FRMPD4: variants seen among roughly 807,000 people sequenced by gnomAD.
FRMPD4 encodes FERM and PDZ domain containing 4.
In FRMPD4, 22 loss-of-function variants were observed where a neutral mutation model predicts 94.1. The observed-to-expected ratio is 0.23, with a 90% CI of 0.17 to 0.33. The LOEUF is 0.33. Ranked by LOEUF, FRMPD4 falls within the 10% of genes least tolerant of loss-of-function variation. The probability of loss-of-function intolerance (pLI) is 1.00; values close to 1 mark genes in which losing one functional copy is unlikely to be tolerated. For missense variants in FRMPD4, 1,111 were observed against 1,339.9 expected, an observed-to-expected ratio of 0.83 and a Z score of 2.67; for synonymous variants, 631 against 548.6, an observed-to-expected ratio of 1.15 and a Z score of -2.10.
At chrX:12,380,769 A>G (rs138722253) in intron 1 of FRMPD4, among the ~76,000 whole-genome samples, 351 of 112,218 alleles carry the variant, frequency 3.1e-3, no homozygotes, top group African/African-American at 0.011. Context: ...GTGATATCTT[A>G]TATTATTTAC....
intron 1 of FRMPD4, among the ~76,000 whole-genome samples, chrX:12,421,107 G>A (rs2056877620): frequency 8.9e-6 from 1 of 111,859 alleles, no homozygotes; most frequent in Admixed American, 9.4e-5. Flanking sequence ...CGTCCTGATT[G>A]GCAATGGGAG....
At chrX:11,865,464 A>G (rs1262684873) in intron 2 of FRMPD4, among the ~76,000 whole-genome samples, 1 of 112,311 alleles carries the variant, frequency 8.9e-6, no homozygotes, top group Non-Finnish European at 1.9e-5. Flanking sequence ...AAAGACAACT[A>G]TAACAATAGC....
chrX:12,699,339 G>A (rs187637321), intron 9 of FRMPD4, among the ~76,000 whole-genome samples: 139 of 112,291 alleles, frequency 1.2e-3, no homozygotes, highest in African/African-American at 4.1e-3. Context: ...TCTGACAAGG[G>A]GTGCTGTGCA....
At chrX:11,834,923 G>A (rs2053493575) in intron 1 of FRMPD4, among the ~76,000 whole-genome samples, 1 of 111,618 alleles carries the variant, frequency 9.0e-6, no homozygotes, top group South Asian at 3.7e-4. Context: ...CAAAGCCTTA[G>A]TCTGACAGCA....
At chrX:11,861,892 A>G (rs2053689266) in intron 1 of FRMPD4, among the ~76,000 whole-genome samples, 1 of 111,964 alleles carries the variant, frequency 8.9e-6, no homozygotes, top group African/African-American at 3.2e-5. Context: ...TTATGGTTCC[A>G]TAGGCTGTAC....
At chrX:12,475,082 A>T (rs1333025594) in intron 1 of FRMPD4, among the ~76,000 whole-genome samples, 1 of 111,659 alleles carries the variant, frequency 9.0e-6, no homozygotes, top group Admixed American at 9.5e-5. Flanking sequence ...TGGCAAACTG[A>T]CTCCAGCAGC....
chrX:11,987,098 T>TAAAAAAACAAA (rs2054434116), intron 3 of FRMPD4, among the ~76,000 whole-genome samples: 1 of 21,853 alleles, frequency 4.6e-5, no homozygotes, highest in Non-Finnish European at 7.1e-5. Flanking sequence ...AAAGACACAT[T>TAAAAAAACAAA]AAAAAAAAAA....
chrX:12,631,709 G>A (rs779977979), intron 4 of FRMPD4, among the ~76,000 whole-genome samples: 1 of 111,897 alleles, frequency 8.9e-6, no homozygotes, highest in South Asian at 3.8e-4. Context: ...TTTTCCATAT[G>A]CATTGATTTT....
In FRMPD4 at chrX:12,008,893, A is replaced by G. The variant is rs1315593631; in HGVS notation, c.95+130875A>G. Among the ~76,000 whole-genome samples, 4 of 112,299 alleles carry G rather than the reference A, an allele frequency of 3.6e-5. No individual in the cohort carries two copies. In the East Asian group the frequency reaches 8.3e-4, roughly 23 times the overall value. On this transcript the variant is annotated intron_variant, in intron 3 of 18. Transcript: ENST00000640291. The stretch of plus-strand genomic sequence containing the variant: ...TAGATGTAGATTATTTTAGCTTGCA[A>G]ACATTTATTGGGTGCCCACAGAGAG...
At chrX:12,285,994 C>T (rs1259990010) in intron 1 of FRMPD4, among the ~76,000 whole-genome samples, 1 of 112,165 alleles carries the variant, frequency 8.9e-6, no homozygotes, top group Admixed American at 9.4e-5. Flanking sequence ...TAGTCAAGCA[C>T]GTTGTGAGGC....
chrX:12,023,069 A>G (rs1232307788), intron 3 of FRMPD4, among the ~76,000 whole-genome samples: 8 of 111,520 alleles, frequency 7.2e-5, no homozygotes, highest in Non-Finnish European at 1.5e-4. Context: ...TCAGGTGACT[A>G]TGTCATAAAG....
At chrX:12,571,839 G>A (rs1020884930) in intron 2 of FRMPD4, among the ~76,000 whole-genome samples, 10 of 112,367 alleles carry the variant, frequency 8.9e-5, no homozygotes, top group African/African-American at 2.6e-4. Context: ...TGGGGTCACT[G>A]AAGCTTTCAT....
At chrX:12,414,260 A>G (rs1165749008) in intron 1 of FRMPD4, among the ~76,000 whole-genome samples, 1 of 112,467 alleles carries the variant, frequency 8.9e-6, no homozygotes, top group Non-Finnish European at 1.9e-5. Context: ...CTATCAGTGT[A>G]ACTTTGATCT....
intron 3 of FRMPD4, among the ~76,000 whole-genome samples, chrX:12,108,959 C>G (rs2055328211): frequency 9.0e-6 from 1 of 111,518 alleles, no homozygotes; most frequent in Non-Finnish European, 1.9e-5. Flanking sequence ...CTTAGACTCC[C>G]ACACAACAAT....
chrX:11,858,227 A>T (rs186351622), intron 1 of FRMPD4, among the ~76,000 whole-genome samples: 1 of 111,835 alleles, frequency 8.9e-6, no homozygotes, highest in Admixed American at 9.5e-5. Flanking sequence ...AATATAAATT[A>T]TTCTATTATA....
At chrX:11,952,282 G>A (rs183316996) in intron 3 of FRMPD4, among the ~76,000 whole-genome samples, 245 of 112,070 alleles carry the variant, frequency 2.2e-3, no homozygotes, top group African/African-American at 7.7e-3. Context: ...ATAACAAGAA[G>A]CAGGCTCCTT....
At chrX:11,899,717 T>G (rs891192970) in intron 3 of FRMPD4, among the ~76,000 whole-genome samples, 55 of 111,854 alleles carry the variant, frequency 4.9e-4, no homozygotes, top group African/African-American at 1.8e-3. Flanking sequence ...AATATTGCTG[T>G]TTTTCACCAA....
In FRMPD4 at chrX:12,590,477, G is replaced by T. The variant is rs768683833; in HGVS notation, c.159-19244G>T. Among the ~76,000 whole-genome samples the T allele has an allele frequency of 1.1e-3, 122 of 111,822 alleles. 1 individual carries two copies. The highest frequency in any genetic ancestry group is 3.9e-3 in the African/African-American group (119 of 30,893). ...ATTTCTTCTAACTAGACAAAGTAAA[G>T]TTGACTATACCAAGTTTAATATGAA... On this transcript the variant is annotated intron_variant, in intron 2 of 16. Transcript: ENST00000675598.
chrX:12,087,408 C>T (rs2055119638), intron 3 of FRMPD4, among the ~76,000 whole-genome samples: 1 of 112,157 alleles, frequency 8.9e-6, no homozygotes, highest in Non-Finnish European at 1.9e-5. Flanking sequence ...TTTATGCACT[C>T]AGTGCCCTCC....
Sources: gnomAD v4.1 joint callset for allele counts (sites outside exome capture counted in the v4.1 genomes callset) on GRCh38, gnomAD v4.1.1 for gene constraint, MANE v1.5 for transcripts, NCBI Gene and HGNC (gene_info 2026-07-23, HGNC 2026-07-21) for gene names.